Variants in FYN observed in about 807,000 individuals in gnomAD.
The protein encoded by FYN is tyrosine-protein kinase Fyn.
Under a neutral mutation model 70.2 loss-of-function variants are expected in FYN, and 10 were observed. That is an observed-to-expected ratio of 0.14 (90% confidence interval 0.09 to 0.24). FYN has a LOEUF of 0.24. FYN is among the 10% of genes least tolerant of loss of function. The pLI is 1.00. For missense variants in FYN, 319 were observed against 673.1 expected (o/e 0.47, Z 5.82); for synonymous variants, 236 against 248.6 (o/e 0.95, Z 0.48).
chr6:111,846,053 T>C (rs1773518265), intron 2 of FYN, among the ~76,000 whole-genome samples: 3 of 151,896 alleles, frequency 2.0e-5, no homozygotes. Flanking sequence ...CTCAAGAGAG[T>C]CCAGCATGAT....
chr6:111,710,503 C>T (rs1800319375), intron 5 of FYN, among the ~76,000 whole-genome samples: 1 of 152,150 alleles, frequency 6.6e-6, no homozygotes, highest in South Asian at 2.1e-4. Context: ...TCTCACTTGA[C>T]CCTATTAATC....
At chr6:111,727,370 T>C (rs1347309472) in intron 3 of FYN, among the ~76,000 whole-genome samples, 2 of 152,226 alleles carry the variant, frequency 1.3e-5, no homozygotes, top group Non-Finnish European at 2.9e-5. Flanking sequence ...AGCTTTCCTA[T>C]TGCACTTAAA....
chr6:111,773,316 GGGA>G, intron 3 of FYN, among the ~76,000 whole-genome samples: 2 of 101,956 alleles, frequency 2.0e-5, no homozygotes, highest in Non-Finnish European at 3.9e-5. Context: ...AGGGAAAGAG[GGGA>G]GGGGGAGGGA....
intron 3 of FYN, among the ~76,000 whole-genome samples, chr6:111,744,638 T>C (rs1802126701): frequency 6.6e-6 from 1 of 152,190 alleles, no homozygotes; most frequent in South Asian, 2.1e-4. Flanking sequence ...TAACCAGATG[T>C]GTAACTTTGG....
chr6:111,823,381 T>C (rs1159948664), intron 2 of FYN, among the ~76,000 whole-genome samples: 1 of 152,184 alleles, frequency 6.6e-6, no homozygotes, highest in Non-Finnish European at 1.5e-5. Flanking sequence ...ATGTGAAATA[T>C]CCTGACTTCT....
intron 3 of FYN, among the ~76,000 whole-genome samples, chr6:111,762,155 C>T (rs921802402): frequency 6.6e-6 from 1 of 152,172 alleles, no homozygotes; most frequent in African/African-American, 2.4e-5. Flanking sequence ...TTCATTTTAT[C>T]TGGCTCTGGC....
chr6:111,829,716 G>A (rs959045275), intron 2 of FYN, among the ~76,000 whole-genome samples: 12 of 152,162 alleles, frequency 7.9e-5, no homozygotes, highest in East Asian at 5.8e-4. Context: ...TTCAGCTGTC[G>A]GATGATGTAG....
intron 2 of FYN, among the ~76,000 whole-genome samples, chr6:111,805,759 G>T (rs1772127281): frequency 1.3e-5 from 2 of 152,138 alleles, no homozygotes; most frequent in Non-Finnish European, 2.9e-5. Context: ...ATCATTTAAT[G>T]AGTCATCAGC....
chr6:111,728,794 T>C (rs937317673), intron 3 of FYN, among the ~76,000 whole-genome samples: 1 of 152,250 alleles, frequency 6.6e-6, no homozygotes, highest in African/African-American at 2.4e-5. Context: ...TGAATAATAC[T>C]GCAACAAACA....
chr6:111,815,474 C>T (rs745357137), intron 2 of FYN, among the ~76,000 whole-genome samples: 17 of 151,974 alleles, frequency 1.1e-4, no homozygotes, highest in Non-Finnish European at 2.2e-4. Flanking sequence ...AACAAAATCC[C>T]CCATTAAACC....
intron 3 of FYN, among the ~76,000 whole-genome samples, chr6:111,769,337 G>A (rs1803350026): frequency 6.6e-6 from 1 of 152,164 alleles, no homozygotes. Context: ...AATTCTTACA[G>A]CTAAGGGTTT....
At chr6:111,693,784 G>A (rs1799455397) in intron 12 of FYN, among the ~76,000 whole-genome samples, 1 of 152,078 alleles carries the variant, frequency 6.6e-6, no homozygotes, top group South Asian at 2.1e-4. Flanking sequence ...ACTTCTGGTT[G>A]GGTCTGGCAG....
At chr6:111,696,246 T>C (rs775610599) in intron 10 of FYN, 31 bp downstream of exon 10, 1 of 1,564,368 alleles carries the variant, frequency 6.4e-7, no homozygotes, top group Non-Finnish European at 8.7e-7. Flanking sequence ...TAAGGCACTG[T>C]GAGCTGGAGA....
chr6:111,739,824 TTTG>T (rs1289142523), intron 3 of FYN, among the ~76,000 whole-genome samples: 3 of 152,266 alleles, frequency 2.0e-5, no homozygotes, highest in Admixed American at 6.5e-5. Context: ...TTGACAATCT[TTTG>T]TTGTTGTTGT....
At chr6:111,735,617 T>C (rs1021591492) in intron 3 of FYN, among the ~76,000 whole-genome samples, 1 of 152,136 alleles carries the variant, frequency 6.6e-6, no homozygotes, top group Non-Finnish European at 1.5e-5. Context: ...TGGGTCTTGA[T>C]AGACACATAC....
At chr6:111,759,557 G>A (rs6908503) in intron 3 of FYN, among the ~76,000 whole-genome samples, 16,177 of 152,152 alleles carry the variant, frequency 0.11, 1,336 homozygotes, top group African/African-American at 0.23. Context: ...CCAGGCACTC[G>A]GTGCCCATTC....
intron 2 of FYN, among the ~76,000 whole-genome samples, chr6:111,830,279 C>T (rs575479332): frequency 5.9e-5 from 9 of 152,232 alleles, no homozygotes; most frequent in Non-Finnish European, 2.9e-5. Flanking sequence ...GATGGGATAA[C>T]AGTGGTTTGA....
At chr6:111,735,169 T>C (rs1182497303) in intron 3 of FYN, among the ~76,000 whole-genome samples, 1 of 152,242 alleles carries the variant, frequency 6.6e-6, no homozygotes, top group Non-Finnish European at 1.5e-5. Flanking sequence ...ATTTGATTTA[T>C]GGCCATATTT....
chr6:111,806,066 G>A (rs1168319434), intron 2 of FYN, among the ~76,000 whole-genome samples: 4 of 152,302 alleles, frequency 2.6e-5, no homozygotes, highest in South Asian at 2.1e-4. Context: ...TGGGGTTTAC[G>A]TGTAGACTGG....
Sources: gnomAD v4.1 joint callset for allele counts (sites outside exome capture counted in the v4.1 genomes callset) on GRCh38, gnomAD v4.1.1 for gene constraint, MANE v1.5 for transcripts, NCBI Gene and HGNC (gene_info 2026-07-23, HGNC 2026-07-21) for gene names.